NEU1: variants seen among roughly 807,000 people sequenced by gnomAD.
NEU1 encodes the protein sialidase-1.
A neutral mutation model predicts 38.3 loss-of-function variants in NEU1; 32 were observed. The observed-to-expected ratio is 0.84, with a 90% confidence interval of 0.63 to 1.12. NEU1 has a LOEUF of 1.12. Ranked by LOEUF, NEU1 falls within the 50% of genes most tolerant of loss-of-function variation. The probability of loss-of-function intolerance (pLI) is 0.00; values close to 1 mark genes in which losing one functional copy is unlikely to be tolerated. For synonymous variants in NEU1, 192 were observed against 225.2 expected, an observed-to-expected ratio of 0.85 and a Z score of 1.32; for missense variants, 431 against 549.2, an observed-to-expected ratio of 0.78 and a Z score of 2.15.
rs1762414162 is a variant in NEU1 at position 31,859,388 on chromosome 6, T to C, written c.*331A>G. The C allele has an allele frequency of 1.3e-5, 6 of 479,624 alleles. No homozygotes were observed. Among genetic ancestry groups the C allele is most frequent in the Non-Finnish European group, 1.9e-5 (5 of 260,844 alleles). The allele number at this position is 479,624 out of a possible 1,614,324, so 29.7% of individuals were successfully genotyped here. ...GCTCAGCCTTCCCCAGTTCCCTGAGTTCACATTGATTCAATTCTACAGCTC... is the reference window on the plus strand; with the variant it reads ...GCTCAGCCTTCCCCAGTTCCCTGAGCTCACATTGATTCAATTCTACAGCTC... On this transcript the variant is annotated 3_prime_UTR_variant, in exon 6 of 6. Transcript: ENST00000375631.
chr6:31,858,930 G>A lies in NEU1; in HGVS notation c.*789C>T, dbSNP rs1324726546. ...CCAACTACTCCGGAGGCTGAGACGT[G>A]AGGATCACTTGAGCCCAGGAGGTTG... On this transcript the variant is annotated 3_prime_UTR_variant, in exon 6 of 6. Transcript: ENST00000375631. 1 of 153,040 alleles carries A rather than the reference G, an allele frequency of 6.5e-6. No individual in the cohort carries two copies. Among genetic ancestry groups the A allele is most frequent in the Admixed American group, 6.5e-5 (1 of 15,440 alleles). The allele number at this position is 153,040 out of a possible 1,614,324, so 9.5% of individuals were successfully genotyped here.
Position 31,862,750 on chromosome 6 carries a change from C to T in NEU1, c.27G>A (p.Ala9=), listed in dbSNP as rs2151547611. 6.2e-7 allele frequency: 1 copy of T among 1,612,994 alleles called. No individual in the cohort carries two copies. The highest frequency in any genetic ancestry group is 2.2e-5 in the East Asian group (1 of 44,884). The change falls in exon 1 of 6, where the codon GCG becomes GCA. Residue 9 remains alanine, a synonymous_variant. Transcript: ENST00000375631. This position sits in a 1 kb window ranked among gnomAD's most constrained non-coding sequence, Gnocchi z 6.3. MTGERPST[A]LPDRRWGPRI... ...GCGGCCCCCAGCGTCTGTCCGGGAG[C>T]GCCGTGCTGGGTCGCTCCCCAGTCA...
chr6:31,861,052 C>T (rs958029874), intron 3 of NEU1, 136 bp downstream of exon 3: 4 of 1,248,076 alleles, frequency 3.2e-6, no homozygotes, highest in Admixed American at 4.0e-5. Flanking sequence ...CCAGGATGCC[C>T]TGTCTTTCAA....
chr6:31,862,578 T>C lies in NEU1; in HGVS notation c.159+40A>G. 6.2e-7 allele frequency: 1 copy of C among 1,612,864 alleles called. No individual in the cohort carries two copies. The highest frequency in any genetic ancestry group is 8.5e-7 in the Non-Finnish European group (1 of 1,179,900). Reference sequence around the variant, plus strand: ...CGGGGGACACTAGGTGTCGATCACCTGCGCGGGTCGGGGATGGGGCTATGC... The same window carrying C: ...CGGGGGACACTAGGTGTCGATCACCCGCGCGGGTCGGGGATGGGGCTATGC... On this transcript the variant is annotated intron_variant, in intron 1 of 5. Coordinates refer to ENST00000375631, the MANE Select transcript of NEU1 (RefSeq NM_000434.4). The surrounding 1 kb of genome is among the most constrained non-coding windows in gnomAD (Gnocchi z 6.3).
Position 31,859,501 on chromosome 6 carries a change from A to G in NEU1, c.*218T>C. 1 of 647,538 alleles carries G rather than the reference A, an allele frequency of 1.5e-6. No individual in the cohort carries two copies. Among genetic ancestry groups the G allele is most frequent in the Non-Finnish European group, 2.8e-6 (1 of 359,184 alleles). The allele number at this position is 647,538 out of a possible 1,614,324, so 40.1% of individuals were successfully genotyped here. ...ACACTTAGCCATATGGAAAGACAGT[A>G]TTCTCAGATGAGGGCAGGACTTTTT... On this transcript the variant is annotated 3_prime_UTR_variant, in exon 6 of 6. Transcript: ENST00000375631.
At position 31,860,415 on chromosome 6, in the gene NEU1, G is replaced by T. The variant is rs2151544502; in HGVS notation, c.798+24C>A. 1 of 1,613,908 alleles carries T rather than the reference G, an allele frequency of 6.2e-7. No homozygotes were observed. Among genetic ancestry groups the T allele is most frequent in the East Asian group, 2.2e-5 (1 of 44,862 alleles). ...GAGGGCAGGGAGGGTCAAATGGGTA[G>T]GGAACATCTCATGGACTCCTGACCT... On this transcript the variant is annotated intron_variant, in intron 4 of 5. Transcript: ENST00000375631. The surrounding 1 kb of genome is among the most constrained non-coding windows in gnomAD (Gnocchi z 4.8).
At chr6:31,861,934 T>G (rs1308521396) in intron 2 of NEU1, 65 bp downstream of exon 2, 1 of 1,574,376 alleles carries the variant, frequency 6.4e-7, no homozygotes, top group Non-Finnish European at 8.7e-7. Flanking sequence ...TCAGGGCCCT[T>G]GGGCTCATTG....
Position 31,862,107 on chromosome 6 carries a change from TGAGCGG to T in NEU1, c.238_243del (p.Pro80_Leu81del), listed in dbSNP as rs773286794. Reference sequence around the variant, plus strand: ...AGAGTGCCCCGCGGAGTGGCTGTGATGAGCGGGATGCGGAAGGTGTCCACTGAGCCG... The same window carrying T: ...AGAGTGCCCCGCGGAGTGGCTGTGATGATGCGGAAGGTGTCCACTGAGCCG... On this transcript the variant is annotated inframe_deletion, in exon 2 of 6. Transcript: ENST00000375631. The surrounding 1 kb of genome is among the most constrained non-coding windows in gnomAD (Gnocchi z 6.3). The T allele has an allele frequency of 1.2e-6, 2 of 1,613,104 alleles. No homozygotes were observed.
At chr6:31,861,977 T>C in intron 2 of NEU1, 22 bp downstream of exon 2, 1 of 1,612,754 alleles carries the variant, frequency 6.2e-7, no homozygotes, top group South Asian at 1.1e-5. Context: ...GCACCGGCTC[T>C]TTCACCCAGA....
rs374556080 is a variant in NEU1 at position 31,862,083 on chromosome 6, G to T, written c.268C>A (p.Leu90Ile). ...TTCCTCGCCTCAGCAAAGGCGAGAAGAGTGCCCCGCGGAGTGGCTGTGATG... is the reference window on the plus strand; with the variant it reads ...TTCCTCGCCTCAGCAAAGGCGAGAATAGTGCCCCGCGGAGTGGCTGTGATG... ...PLITATPRGT[L>I]LAFAEARKMS... The change falls in exon 2 of 6, where the codon CTT becomes ATT. Residue 90 changes from leucine to isoleucine, a missense_variant. Coordinates refer to ENST00000375631, the MANE Select transcript of NEU1 (RefSeq NM_000434.4). This position sits in a 1 kb window ranked among gnomAD's most constrained non-coding sequence, Gnocchi z 6.3. 1 of 1,613,096 alleles carries T rather than the reference G, an allele frequency of 6.2e-7. No individual in the cohort carries two copies. The highest frequency in any genetic ancestry group is 8.5e-7 in the Non-Finnish European group (1 of 1,180,042).
At position 31,861,455 on chromosome 6, in the gene NEU1, A is replaced by C. The variant is rs1238569098; in HGVS notation, c.353-5T>G. On this transcript the variant is annotated splice_region_variant and splice_polypyrimidine_tract_variant and intron_variant, in intron 2 of 5. Coordinates refer to ENST00000375631, the MANE Select transcript of NEU1 (RefSeq NM_000434.4). Reference sequence around the variant, plus strand: ...CTGTAGGAGACCATGTGCTGCCTGAAAAAAATTGGAGGAAGAAACCCAGAG... The same window carrying C: ...CTGTAGGAGACCATGTGCTGCCTGACAAAAATTGGAGGAAGAAACCCAGAG... 1.9e-6 allele frequency: 3 copies of C among 1,612,656 alleles called. No individual in the cohort carries two copies. The highest frequency in any genetic ancestry group is 2.5e-6 in the Non-Finnish European group (3 of 1,180,016).
chr6:31,860,523 G>A lies in NEU1; in HGVS notation c.714C>T (p.Ala238=), dbSNP rs745646598. 3 of 1,613,974 alleles carry A rather than the reference G, an allele frequency of 1.9e-6. No individual in the cohort carries two copies. Among genetic ancestry groups the A allele is most frequent in the Admixed American group, 1.7e-5 (1 of 59,994 alleles). The change falls in exon 4 of 6, where the codon GCC becomes GCT. Residue 238 remains alanine, a synonymous_variant. Coordinates refer to ENST00000375631, the MANE Select transcript of NEU1 (RefSeq NM_000434.4). This position sits in a 1 kb window ranked among gnomAD's most constrained non-coding sequence, Gnocchi z 4.8. ...TGACCCCACTTCCGTAGCGCCAGGA[G>A]GCACCATGATCATCGCTGAGGAGAC... ...VFCLLSDDHG[A]SWRYGSGVSG...
rs908678516 is a variant in NEU1 at position 31,859,652 on chromosome 6, C to T, written c.*67G>A. 2 of 1,510,772 alleles carry T rather than the reference C, an allele frequency of 1.3e-6. No homozygotes were observed. Among genetic ancestry groups the T allele is most frequent in the Non-Finnish European group, 1.8e-6 (2 of 1,093,318 alleles). The allele number at this position is 1,510,772 out of a possible 1,614,324, so 93.6% of individuals were successfully genotyped here. A position where few individuals can be genotyped will look rare whatever the true frequency, so the allele number is the denominator to read the frequency against. ...GTCTTTCAGGCGTCTCCAGCAGACC[C>T]TCTACAGACCCGTGTTCCTGAAGGC... On this transcript the variant is annotated 3_prime_UTR_variant, in exon 6 of 6. Coordinates refer to ENST00000375631, the MANE Select transcript of NEU1 (RefSeq NM_000434.4).
intron 2 of NEU1, chr6:31,861,683 C>A (rs1762520794): frequency 1.6e-6 from 1 of 630,488 alleles, no homozygotes; most frequent in Non-Finnish European, 2.8e-6. Flanking sequence ...TGTCTGTCTC[C>A]TTCCAGTACA....
intron 2 of NEU1, 48 bp downstream of exon 2, chr6:31,861,951 C>A (rs1292784384): frequency 6.2e-7 from 1 of 1,604,108 alleles, no homozygotes; most frequent in Non-Finnish European, 8.5e-7. Context: ...ATTGGGCTGC[C>A]CACCCATCCA....
At position 31,859,479 on chromosome 6, in the gene NEU1, C is replaced by G. The variant is rs1437068839; in HGVS notation, c.*240G>C. On this transcript the variant is annotated 3_prime_UTR_variant, in exon 6 of 6. Transcript: ENST00000375631. ...GGGCAGAGAGGGTGGTGGGGCCACA[C>G]TTAGCCATATGGAAAGACAGTATTC... 2 of 630,510 alleles carry G rather than the reference C, an allele frequency of 3.2e-6. No homozygotes were observed. Among genetic ancestry groups the G allele is most frequent in the Non-Finnish European group, 5.7e-6 (2 of 349,552 alleles). 39.1% of individuals were successfully genotyped at this position (630,510 alleles called of 1,614,324 possible).
rs922349978 is a variant in NEU1 at position 31,859,346 on chromosome 6, G to A, written c.*373C>T. The A allele has an allele frequency of 3.2e-5, 13 of 403,940 alleles. No homozygotes were observed. The highest frequency in any genetic ancestry group is 1.6e-4 in the African/African-American group (8 of 49,456). 25.0% of individuals were successfully genotyped at this position (403,940 alleles called of 1,614,324 possible). A position where few individuals can be genotyped will look rare whatever the true frequency, so the allele number is the denominator to read the frequency against. On this transcript the variant is annotated 3_prime_UTR_variant, in exon 6 of 6. Coordinates refer to ENST00000375631, the MANE Select transcript of NEU1 (RefSeq NM_000434.4). The stretch of plus-strand genomic sequence containing the variant: ...CACCAGCCCTGTCGGTTATCTTACC[G>A]CAACACCAAAGAGGAGGCTCAGCCT...
At position 31,861,353 on chromosome 6, in the gene NEU1, T is replaced by C. The variant is rs936860377; in HGVS notation, c.450A>G (p.Val150=). ...GAVVSDVETG[V]VFLFYSLCAH... ...CACAAAGGGAGTAGAAAAGAAATACTACTCCTGTCTCAACATCGCTCACTA... is the reference window on the plus strand; with the variant it reads ...CACAAAGGGAGTAGAAAAGAAATACCACTCCTGTCTCAACATCGCTCACTA... The change falls in exon 3 of 6, where the codon GTA becomes GTG. Residue 150 remains valine, a synonymous_variant. Transcript: ENST00000375631. The C allele has an allele frequency of 6.2e-7, 1 of 1,613,016 alleles. No individual in the cohort carries two copies. Among genetic ancestry groups the C allele is most frequent in the Non-Finnish European group, 8.5e-7 (1 of 1,180,038 alleles).
rs1195339797 is a variant in NEU1, at chr6:31,862,571, G to A, written c.159+47C>T. On this transcript the variant is annotated intron_variant, in intron 1 of 5. Coordinates refer to ENST00000375631, the MANE Select transcript of NEU1 (RefSeq NM_000434.4). The surrounding 1 kb of genome is among the most constrained non-coding windows in gnomAD (Gnocchi z 6.3). ...CGCGTTCCGGGGGACACTAGGTGTCGATCACCTGCGCGGGTCGGGGATGGG... is the reference window on the plus strand; with the variant it reads ...CGCGTTCCGGGGGACACTAGGTGTCAATCACCTGCGCGGGTCGGGGATGGG... 1.2e-6 allele frequency: 2 copies of A among 1,612,630 alleles called. No individual in the cohort carries two copies. The highest frequency in any genetic ancestry group is 4.5e-5 in the East Asian group (2 of 44,868).
Sources: gnomAD v4.1 joint callset for allele counts on GRCh38, gnomAD v4.1.1 for gene constraint, Gnocchi (gnomAD v3.1) non-coding constraint, MANE v1.5 for transcripts, NCBI Gene and HGNC (gene_info 2026-07-23, HGNC 2026-07-21) for gene names.